The following CCNJL variants were observed in gnomAD, a reference collection of about 807,000 sequenced individuals.
CCNJL encodes the protein cyclin-J-like protein.
CCNJL carries 33 observed loss-of-function variants against 33.4 expected under a neutral mutation model. The observed-to-expected ratio is 0.99, with a 90% CI of 0.75 to 1.32. The LOEUF (loss-of-function observed/expected upper bound fraction) is 1.32, where lower values mean the gene tolerates loss of function less well. CCNJL is among the 40% of genes most tolerant of loss of function. The pLI, the probability that CCNJL is intolerant of heterozygous loss-of-function variation, is 0.00. For missense variants in CCNJL, 512 were observed against 499.7 expected, an observed-to-expected ratio of 1.02 and a Z score of -0.23; for synonymous variants, 227 against 220.9, an observed-to-expected ratio of 1.03 and a Z score of -0.24.
chr5:160,312,165 C>A (rs1333900889), intron 1 of CCNJL, among the ~76,000 whole-genome samples, 193 bp from the exon 2 acceptor site: 1 of 152,208 alleles, frequency 6.6e-6, no homozygotes, highest in Non-Finnish European at 1.5e-5. Flanking sequence ...GGACACGGGG[C>A]GATATGGAGC....
chr5:160,289,391 T>C (rs1762512243), intron 2 of CCNJL, among the ~76,000 whole-genome samples: 1 of 152,140 alleles, frequency 6.6e-6, no homozygotes, highest in South Asian at 2.1e-4. Context: ...ATCTTCCCTC[T>C]GCCTGTGGCC....
At chr5:160,273,966 A>G (rs996281456) in intron 3 of CCNJL, among the ~76,000 whole-genome samples, 2 of 151,982 alleles carry the variant, frequency 1.3e-5, no homozygotes, top group Admixed American at 6.6e-5. Context: ...GAGTTTTAGC[A>G]AGTAGGCAAA....
At chr5:160,256,776 C>A (rs182342538) in intron 4 of CCNJL, among the ~76,000 whole-genome samples, 1 of 151,206 alleles carries the variant, frequency 6.6e-6, no homozygotes, top group South Asian at 2.1e-4. Context: ...AAATTAGCCA[C>A]GCGTGGTGGT....
At chr5:160,279,595 G>C (rs1293010433) in intron 3 of CCNJL, among the ~76,000 whole-genome samples, 1 of 152,200 alleles carries the variant, frequency 6.6e-6, no homozygotes. Context: ...CACCTGCTGA[G>C]GGCAGTGGGG....
intron 2 of CCNJL, among the ~76,000 whole-genome samples, chr5:160,292,685 T>TTATA (rs199711109): frequency 5.3e-5 from 8 of 150,014 alleles, no homozygotes. Context: ...TATAGTAGTT[T>TTATA]TATATATATA....
chr5:160,287,479 A>G (rs773784371), intron 2 of CCNJL, among the ~76,000 whole-genome samples: 8 of 152,184 alleles, frequency 5.3e-5, no homozygotes, highest in Non-Finnish European at 1.2e-4. Context: ...GGAAATAACA[A>G]TGTAGGACTG....
intron 2 of CCNJL, among the ~76,000 whole-genome samples, chr5:160,290,488 G>A (rs1380232498): frequency 6.6e-6 from 1 of 151,900 alleles, no homozygotes; most frequent in Non-Finnish European, 1.5e-5. Context: ...GGCTGGTCTC[G>A]AACTCCTGAC....
In CCNJL at chr5:160,259,626, G is replaced by C. The variant is rs377173221; in HGVS notation, c.426C>G (p.Leu142=). The C allele has an allele frequency of 6.2e-7, 1 of 1,614,222 alleles. No individual in the cohort carries two copies. Among genetic ancestry groups the C allele is most frequent in the East Asian group, 2.2e-5 (1 of 44,890 alleles). The part of the protein sequence containing the change: ...LLLLEAFSWN[L]CLPTPAHFLD... Reference sequence around the variant, plus strand: ...GGAAGTGGGCAGGCGTGGGCAGGCAGAGGTTCCAGCTGAAGGCCTCCAGGA... The same window carrying C: ...GGAAGTGGGCAGGCGTGGGCAGGCACAGGTTCCAGCTGAAGGCCTCCAGGA... The change falls in exon 4 of 6, where the codon CTC becomes CTG. Residue 142 remains leucine, a synonymous_variant. Transcript: ENST00000257536.
intron 2 of CCNJL, among the ~76,000 whole-genome samples, chr5:160,305,657 CTT>C (rs1377357462): frequency 3.3e-5 from 5 of 152,214 alleles, no homozygotes; most frequent in South Asian, 2.1e-4. Flanking sequence ...TGTATTTCCA[CTT>C]TGTGTTAAAT....
rs1295539855 is a variant in CCNJL at position 160,253,189 on chromosome 5, C to T, written c.*189G>A. 2 of 511,962 alleles carry T rather than the reference C, an allele frequency of 3.9e-6. No homozygotes were observed. The highest frequency in any genetic ancestry group is 3.2e-5 in the East Asian group (1 of 31,148). 31.7% of individuals were successfully genotyped at this position (511,962 alleles called of 1,614,324 possible). The stretch of plus-strand genomic sequence containing the variant: ...GTGGCAGACGTTTCTCAGAGGAATG[C>T]TCTCGGGTGAGGTATGTTATTGAAT... On this transcript the variant is annotated 3_prime_UTR_variant, in exon 6 of 6. Transcript: ENST00000257536.
chr5:160,295,511 T>C (rs1032673292), intron 2 of CCNJL, among the ~76,000 whole-genome samples: 3 of 151,674 alleles, frequency 2.0e-5, no homozygotes, highest in African/African-American at 7.3e-5. Context: ...AATAAGAAAA[T>C]AGAGTCTTTA....
At chr5:160,288,781 A>C (rs958466270) in intron 2 of CCNJL, among the ~76,000 whole-genome samples, 1 of 148,816 alleles carries the variant, frequency 6.7e-6, no homozygotes, top group Admixed American at 6.8e-5. Context: ...CAGTGAATGG[A>C]CATCGTGCCA....
At chr5:160,255,502 A>C in intron 5 of CCNJL, 47 bp downstream of exon 5, 1 of 1,591,562 alleles carries the variant, frequency 6.3e-7, no homozygotes, top group South Asian at 1.1e-5. Flanking sequence ...TCAAGGCAAG[A>C]GGAACCTCAC....
intron 2 of CCNJL, among the ~76,000 whole-genome samples, chr5:160,291,036 T>TAAAAAAAAAAAAAAA (rs1177369719): frequency 1.6e-4 from 9 of 57,536 alleles, no homozygotes; most frequent in East Asian, 4.7e-4. Context: ...CGTCTTTACT[T>TAAAAAAAAAAAAAAA]AAAAAAAAAA....
At chr5:160,261,632 C>G (rs112743416) in intron 3 of CCNJL, among the ~76,000 whole-genome samples, 162 of 151,870 alleles carry the variant, frequency 1.1e-3, no homozygotes, top group Non-Finnish European at 1.8e-3. Context: ...CATACTCCCC[C>G]CAACACTCCC....
At chr5:160,326,702 C>T in intron 1 of CCNJL, 1 of 915,552 alleles carries the variant, frequency 1.1e-6, no homozygotes, top group Non-Finnish European at 1.8e-6. Flanking sequence ...CATGGCATAC[C>T]ATGGCCAGGG....
chr5:160,338,513 T>C (rs1763710450), intron 1 of CCNJL, among the ~76,000 whole-genome samples: 1 of 152,046 alleles, frequency 6.6e-6, no homozygotes, highest in African/African-American at 2.4e-5. Context: ...AAATAAAGCC[T>C]GTTTCCTCCA....
At chr5:160,306,044 C>G (rs1053201819) in intron 2 of CCNJL, among the ~76,000 whole-genome samples, 2 of 152,098 alleles carry the variant, frequency 1.3e-5, no homozygotes, top group African/African-American at 4.8e-5. Context: ...GAGGCCAAGG[C>G]GGGCGGATCA....
chr5:160,301,211 A>C (rs1252825726), intron 2 of CCNJL, among the ~76,000 whole-genome samples: 2 of 152,256 alleles, frequency 1.3e-5, no homozygotes, highest in Non-Finnish European at 2.9e-5. Context: ...CAATAAAAAG[A>C]AATAAACTCC....
Sources: allele counts gnomAD v4.1 joint callset (sites outside exome capture counted in the v4.1 genomes callset), GRCh38; gene constraint gnomAD v4.1.1; transcripts MANE v1.5; gene names NCBI Gene and HGNC (gene_info 2026-07-23, HGNC 2026-07-21).